The following NDUFA5 variants were observed in gnomAD, a reference collection of about 807,000 sequenced individuals.
The protein encoded by NDUFA5 is NADH dehydrogenase [ubiquinone] 1 alpha subcomplex subunit 5.
Under a neutral mutation model 19.8 loss-of-function variants are expected in NDUFA5, and 11 were observed. The observed-to-expected ratio is 0.56, with a 90% CI of 0.35 to 0.92. NDUFA5 has a LOEUF of 0.92. NDUFA5 is among the 40% of genes least tolerant of loss of function. The pLI, the probability that NDUFA5 is intolerant of heterozygous loss-of-function variation, is 0.01. For missense variants in NDUFA5, 109 were observed against 134.2 expected (o/e 0.81, Z 0.93); for synonymous variants, 47 against 46.8 (o/e 1.00, Z -0.01).
chr7:123,558,037 G>A, upstream of NDUFA5: 1 of 650,038 alleles, frequency 1.5e-6, no homozygotes, highest in Non-Finnish European at 2.6e-6. Context: ...GGGTTTCCCA[G>A]CTGTCTGTTC....
At chr7:123,560,900 G>C (rs896519002), upstream of NDUFA5, among the ~76,000 whole-genome samples, 3 of 152,128 alleles carry the variant, frequency 2.0e-5, no homozygotes, top group African/African-American at 7.2e-5. Flanking sequence ...ATATGCTCTA[G>C]TCTATTATAG....
the NDUFA5 span, among the ~76,000 whole-genome samples, chr7:123,579,848 A>G: frequency 6.6e-6 from 1 of 152,140 alleles, no homozygotes; most frequent in Non-Finnish European, 1.5e-5. Context: ...GAGAACATAA[A>G]GCATATAATA....
the NDUFA5 span, among the ~76,000 whole-genome samples, chr7:123,586,520 G>T: frequency 2.5e-3 from 380 of 151,636 alleles, 3 homozygotes; most frequent in African/African-American, 9.0e-3. Flanking sequence ...TTCTTTCGTT[G>T]ATTGTTTCCT....
the NDUFA5 span, among the ~76,000 whole-genome samples, chr7:123,595,027 C>T: frequency 1.5e-4 from 23 of 152,210 alleles, no homozygotes; most frequent in Non-Finnish European, 2.4e-4. Flanking sequence ...TGCCCCTCCA[C>T]CCGCCAAGCT....
chr7:123,586,124 T>C, the NDUFA5 span, among the ~76,000 whole-genome samples: 1 of 151,832 alleles, frequency 6.6e-6, no homozygotes. Flanking sequence ...ATATAATAGA[T>C]TTATTTTAAA....
chr7:123,565,662 C>A, the NDUFA5 span, among the ~76,000 whole-genome samples: 1 of 152,132 alleles, frequency 6.6e-6, no homozygotes, highest in Non-Finnish European at 1.5e-5. Flanking sequence ...AGATGGATAA[C>A]TTGAGGTCAC....
the NDUFA5 span, among the ~76,000 whole-genome samples, chr7:123,596,805 C>T: frequency 6.6e-6 from 1 of 152,024 alleles, no homozygotes; most frequent in Admixed American, 6.6e-5. Flanking sequence ...TGAAACAAAA[C>T]ACAAATGCAC....
chr7:123,557,499 T>G (rs781267714), intron 1 of NDUFA5, 51 bp from the exon 2 acceptor site: 2 of 1,612,930 alleles, frequency 1.2e-6, no homozygotes, highest in South Asian at 2.2e-5. Context: ...TTTCCATACA[T>G]CCAGCACGCT....
At chr7:123,546,597 C>A (rs771957094) in intron 3 of NDUFA5, 3 of 1,108,112 alleles carry the variant, frequency 2.7e-6, no homozygotes, top group Non-Finnish European at 3.5e-6. Flanking sequence ...GTAAATAAGG[C>A]TTTGTCTTTT....
At chr7:123,581,171 G>A in the NDUFA5 span, among the ~76,000 whole-genome samples, 1 of 151,884 alleles carries the variant, frequency 6.6e-6, no homozygotes, top group African/African-American at 2.4e-5. Flanking sequence ...CTGAGAGCAT[G>A]AATGTTGCTC....
At chr7:123,542,290 A>G (rs1229541309) in intron 4 of NDUFA5, 70 bp from the exon 5 acceptor site, 11 of 1,119,466 alleles carry the variant, frequency 9.8e-6, no homozygotes, top group Non-Finnish European at 1.4e-5. Context: ...GAACAACTGA[A>G]ATTTAACTAT....
In NDUFA5 at chr7:123,542,186, C is replaced by G. The variant is rs769860570; in HGVS notation, c.284G>C (p.Arg95Thr). Residue 95 changes from arginine (R) to threonine (T), a missense_variant, in exon 5 of 5, where the codon AGG (arginine) becomes ACG (threonine). Arg to Thr is a moderately conservative substitution (Grantham distance 71). Coordinates refer to ENST00000355749, the MANE Select transcript of NDUFA5 (RefSeq NM_005000.5). Reference sequence around the variant, plus strand: ...TAATGGCTCCCATAGTTTCCATTCCCTCATTTTTCTTGCCAGATTTAGTTC... The same window carrying G: ...TAATGGCTCCCATAGTTTCCATTCCGTCATTTTTCTTGCCAGATTTAGTTC... The part of the protein sequence containing the change: ...EHELNLARKM[R>T]EWKLWEPLVE... 44 of 1,612,140 alleles carry G rather than the reference C, an allele frequency of 2.7e-5. 1 individual carries two copies. The highest frequency in any genetic ancestry group is 1.7e-5 in the Non-Finnish European group (20 of 1,179,126).
the NDUFA5 span, among the ~76,000 whole-genome samples, chr7:123,584,421 C>T: frequency 6.6e-6 from 1 of 151,782 alleles, no homozygotes; most frequent in African/African-American, 2.4e-5. Context: ...TTCTAAAGCT[C>T]CCCAGGTGAT....
At chr7:123,600,127 A>G in the NDUFA5 span, among the ~76,000 whole-genome samples, 14 of 151,958 alleles carry the variant, frequency 9.2e-5, 1 homozygote, top group Admixed American at 9.2e-4. Flanking sequence ...TGGTCATTGT[A>G]TCATCATCAT....
the NDUFA5 span, among the ~76,000 whole-genome samples, chr7:123,584,381 A>G: frequency 6.6e-6 from 1 of 151,688 alleles, no homozygotes; most frequent in South Asian, 2.1e-4. Context: ...AAATTAGAGT[A>G]TCTGAGGGAG....
the NDUFA5 span, among the ~76,000 whole-genome samples, chr7:123,589,733 G>A: frequency 3.9e-5 from 6 of 152,002 alleles, no homozygotes; most frequent in Non-Finnish European, 8.8e-5. Flanking sequence ...ATGGACATTT[G>A]GGTTGATTCC....
the NDUFA5 span, among the ~76,000 whole-genome samples, chr7:123,600,228 C>T: frequency 6.6e-6 from 1 of 152,148 alleles, no homozygotes. Context: ...GACGTGTTCA[C>T]AGGACTATGT....
At chr7:123,546,596 G>C in intron 3 of NDUFA5, 1 of 1,098,460 alleles carries the variant, frequency 9.1e-7, no homozygotes, top group Non-Finnish European at 1.2e-6. Context: ...TGTAAATAAG[G>C]CTTTGTCTTT....
chr7:123,582,465 A>G, the NDUFA5 span, among the ~76,000 whole-genome samples: 3 of 152,124 alleles, frequency 2.0e-5, no homozygotes, highest in East Asian at 1.9e-4. Context: ...ACTCCAGTAT[A>G]TAGTTCAGTA....
Sources: allele counts gnomAD v4.1 joint callset (sites outside exome capture counted in the v4.1 genomes callset), GRCh38; gene constraint gnomAD v4.1.1; transcripts MANE v1.5; gene names NCBI Gene and HGNC (gene_info 2026-07-23, HGNC 2026-07-21).